The following BSPH1 variants were observed in gnomAD, a reference collection of about 807,000 sequenced individuals.
BSPH1 encodes binder of sperm 1.
Under a neutral mutation model 22.5 loss-of-function variants are expected in BSPH1, and 21 were observed. That is an observed-to-expected ratio of 0.93 (90% CI 0.66 to 1.35). BSPH1 has a LOEUF of 1.35. Among genes scored for constraint, BSPH1 ranks in the 40% most tolerant of loss-of-function variants. The pLI, the probability that BSPH1 is intolerant of heterozygous loss-of-function variation, is 0.00. For synonymous variants in BSPH1, 42 were observed against 53.6 expected (o/e 0.78, Z 0.95); for missense variants, 141 against 154.2 (o/e 0.91, Z 0.45).
At chr19:47,990,478 T>A (rs986693260) in intron 1 of BSPH1, among the ~76,000 whole-genome samples, 2 of 149,540 alleles carry the variant, frequency 1.3e-5, no homozygotes, top group Non-Finnish European at 3.0e-5. Context: ...ATGTCTGATT[T>A]AAAAAAAAAA....
intron 5 of BSPH1, among the ~76,000 whole-genome samples, chr19:47,972,517 C>T (rs1969319716): frequency 6.6e-6 from 1 of 152,100 alleles, no homozygotes. Flanking sequence ...TCAGCTCCCA[C>T]TTATAAGTGA....
chr19:47,983,386 G>A lies in BSPH1; in HGVS notation c.74-2445C>T, dbSNP rs76225568. Among the ~76,000 whole-genome samples, 86 of 152,286 alleles carry A rather than the reference G, an allele frequency of 5.6e-4. No homozygotes were observed. The East Asian group carries it at 0.015, about 27-fold the overall frequency. On this transcript the variant is annotated intron_variant, in intron 1 of 5. Transcript: ENST00000344839. ...GTTCATTCAGTATGCATTCCATAGT[G>A]AAACTATTAGGAAATGGATTTTGGT...
chr19:47,980,600 C>G (rs867526128), intron 2 of BSPH1, among the ~76,000 whole-genome samples: 43 of 150,948 alleles, frequency 2.8e-4, no homozygotes, highest in African/African-American at 9.3e-4. Flanking sequence ...TCGGGAGTAG[C>G]TGGGACTACA....
chr19:47,986,797 G>A (rs74394867), intron 1 of BSPH1, among the ~76,000 whole-genome samples: 1,810 of 152,064 alleles, frequency 0.012, 37 homozygotes, highest in African/African-American at 0.042. Flanking sequence ...AAGTACCATA[G>A]ACTGTTTGGT....
chr19:47,980,671 CT>C (rs1841594030), intron 2 of BSPH1, among the ~76,000 whole-genome samples: 1 of 151,862 alleles, frequency 6.6e-6, no homozygotes, highest in African/African-American at 2.4e-5. Context: ...GGGGTTTCAC[CT>C]TGTTAGCCAG....
chr19:47,987,887 G>A (rs1969485904), intron 1 of BSPH1, among the ~76,000 whole-genome samples: 1 of 152,084 alleles, frequency 6.6e-6, no homozygotes, highest in Non-Finnish European at 1.5e-5. Context: ...CCCGTACTGG[G>A]AGGCTGAGTT....
intron 1 of BSPH1, among the ~76,000 whole-genome samples, chr19:47,985,475 G>C (rs866065902): frequency 9.8e-5 from 15 of 152,288 alleles, no homozygotes; most frequent in African/African-American, 3.1e-4. Context: ...TTTGCTACCA[G>C]AAAACCTGCC....
At chr19:47,988,937 G>C (rs62131792) in intron 1 of BSPH1, among the ~76,000 whole-genome samples, 26,328 of 151,612 alleles carry the variant, frequency 0.17, 2,540 homozygotes, top group Non-Finnish European at 0.21. Context: ...CAGGCTAGGC[G>C]TATAGCTGAT....
intron 2 of BSPH1, 75 bp downstream of exon 2, chr19:47,980,846 G>T: frequency 1.3e-6 from 1 of 748,828 alleles, no homozygotes; most frequent in South Asian, 1.8e-5. Flanking sequence ...CCAGGAAAGG[G>T]AATACTCAAT....
intron 1 of BSPH1, among the ~76,000 whole-genome samples, chr19:47,984,218 A>C (rs978656245): frequency 6.8e-6 from 1 of 147,058 alleles, no homozygotes; most frequent in African/African-American, 2.5e-5. Context: ...TACATAAAAT[A>C]TAAATATATA....
chr19:47,983,034 A>C (rs1262712821), intron 1 of BSPH1, among the ~76,000 whole-genome samples: 1 of 152,204 alleles, frequency 6.6e-6, no homozygotes, highest in Non-Finnish European at 1.5e-5. Flanking sequence ...GATAGATTGC[A>C]CAATTTGAAT....
chr19:47,977,242 C>A, intron 4 of BSPH1, 131 bp downstream of exon 4: 2 of 660,502 alleles, frequency 3.0e-6, no homozygotes, highest in South Asian at 4.2e-5. Flanking sequence ...CGTCAGAAAT[C>A]GAACATCCTT....
At chr19:47,974,437 CTG>C (rs1209370138) in intron 5 of BSPH1, among the ~76,000 whole-genome samples, 1 of 151,544 alleles carries the variant, frequency 6.6e-6, no homozygotes, top group Non-Finnish European at 1.5e-5. Flanking sequence ...GCCTGGCTAA[CTG>C]TTGTATTTTT....
Position 47,973,489 on chromosome 19 carries a change from C to G in BSPH1, c.*2+3221G>C, listed in dbSNP as rs996077242. Among the ~76,000 whole-genome samples the G allele has an allele frequency of 1.3e-5, 2 of 152,078 alleles. 1 individual carries two copies. Among genetic ancestry groups the G allele is most frequent in the Admixed American group, 1.3e-4 (2 of 15,262 alleles). ...ATATGTGTGCACACAAACACATACA[C>G]TTTTCATTCATAACGACAATAAAAA... On this transcript the variant is annotated intron_variant, in intron 5 of 5. Transcript: ENST00000344839.
At chr19:47,986,966 G>C (rs939058341) in intron 1 of BSPH1, among the ~76,000 whole-genome samples, 1 of 152,086 alleles carries the variant, frequency 6.6e-6, no homozygotes. Flanking sequence ...GTGACTTGTG[G>C]CAGCATCACT....
Position 47,976,821 on chromosome 19 carries a change from C to A in BSPH1, c.290G>T (p.Arg97Ile), listed in dbSNP as rs1969369633. The change falls in exon 5 of 6, where the codon AGA becomes ATA. Residue 97 changes from arginine (R) to isoleucine (I), a missense_variant. Transcript: ENST00000344839. Reference sequence around the variant, plus strand: ...AGTACACTCCCAGTAGATCAAGCGTCTGTACCAGAAGGGAAATACACAGTT... The same window carrying A: ...AGTACACTCCCAGTAGATCAAGCGTATGTACCAGAAGGGAAATACACAGTT... ...FANCVFPFWYRRLIYWECTDD... is the reference protein window; with the variant it reads ...FANCVFPFWYIRLIYWECTDD... 6.4e-7 allele frequency: 1 copy of A among 1,551,640 alleles called. No homozygotes were observed. The highest frequency in any genetic ancestry group is 2.0e-5 in the Admixed American group (1 of 50,992).
chr19:47,967,355 A>G (rs540674618), downstream of BSPH1, among the ~76,000 whole-genome samples: 3 of 152,352 alleles, frequency 2.0e-5, no homozygotes, highest in South Asian at 6.2e-4. Context: ...AGTAAGCTGC[A>G]TGCTGCTGTC....
chr19:47,969,684 GGAGAGAGAGAGAGA>G (rs10589898), intron 5 of BSPH1, among the ~76,000 whole-genome samples: 62 of 113,858 alleles, frequency 5.4e-4, no homozygotes, highest in Middle Eastern at 4.5e-3. Flanking sequence ...AGGGAGAGGG[GGAGAGAGAGAGAGA>G]GAGAGAGAGA....
chr19:47,973,261 A>AATAATAATG (rs1182970596), intron 5 of BSPH1, among the ~76,000 whole-genome samples: 4 of 145,904 alleles, frequency 2.7e-5, no homozygotes, highest in African/African-American at 7.6e-5. Context: ...TAATAATAAT[A>AATAATAATG]ATGTAGGCAG....
Sources: gnomAD v4.1 joint callset for allele counts (sites outside exome capture counted in the v4.1 genomes callset) on GRCh38, gnomAD v4.1.1 for gene constraint, MANE v1.5 for transcripts, NCBI Gene and HGNC (gene_info 2026-07-23, HGNC 2026-07-21) for gene names.